Variants in EYA4 observed in about 807,000 individuals in gnomAD.
The protein encoded by EYA4 is EYA transcriptional coactivator and phosphatase 4.
EYA4 carries 31 observed loss-of-function variants against 87.9 expected under a neutral mutation model. That is an observed-to-expected ratio of 0.35 (90% CI 0.27 to 0.48). The LOEUF is 0.48. EYA4 is among the 20% of genes least tolerant of loss of function. EYA4 has a pLI of 0.99. For missense variants in EYA4, 678 were observed against 761.4 expected, an observed-to-expected ratio of 0.89 and a Z score of 1.29; for synonymous variants, 263 against 270.6, an observed-to-expected ratio of 0.97 and a Z score of 0.28.
At chr6:133,393,013 C>A (rs1186836583) in intron 3 of EYA4, among the ~76,000 whole-genome samples, 1 of 152,182 alleles carries the variant, frequency 6.6e-6, no homozygotes, top group Non-Finnish European at 1.5e-5. Context: ...GGAGCTAGGA[C>A]AAGACTCTGC....
In EYA4 at chr6:133,458,467, C is replaced by T. The variant is rs538090269; in HGVS notation, c.370+1819C>T. 5.9e-5 allele frequency among the ~76,000 whole-genome samples: 9 copies of T among 152,158 alleles called. No homozygotes were observed. The South Asian group carries it at 1.9e-3, about 32-fold the overall frequency. On this transcript the variant is annotated intron_variant, in intron 6 of 19. Coordinates refer to ENST00000355286, the MANE Select transcript of EYA4 (RefSeq NM_004100.5). ...TGGACAGCTCAGATACAGAACATTT[C>T]CAACACTGTGGAAAGTTTTATTCCA...
At chr6:133,357,688 T>G (rs1784171729) in intron 2 of EYA4, among the ~76,000 whole-genome samples, 1 of 152,116 alleles carries the variant, frequency 6.6e-6, no homozygotes, top group South Asian at 2.1e-4. Context: ...ACAGCTGTCT[T>G]ACTAATACTT....
chr6:133,428,243 T>C (rs1790849708), intron 3 of EYA4, among the ~76,000 whole-genome samples: 1 of 152,176 alleles, frequency 6.6e-6, no homozygotes, highest in African/African-American at 2.4e-5. Flanking sequence ...GGGATGAATT[T>C]GGAATTAATC....
chr6:133,528,649 ACAATGGTT>A, intron 19 of EYA4, 68 bp from the exon 20 acceptor site: 1 of 1,041,564 alleles, frequency 9.6e-7, no homozygotes, highest in Non-Finnish European at 1.5e-6. Flanking sequence ...CTTCATTGAG[ACAATGGTT>A]GTGATCTCTC....
At chr6:133,284,520 T>G (rs1413000675) in intron 2 of EYA4, among the ~76,000 whole-genome samples, 1 of 152,214 alleles carries the variant, frequency 6.6e-6, no homozygotes, top group Non-Finnish European at 1.5e-5. Context: ...GCAGAATGTA[T>G]GGAAATTAAA....
chr6:133,461,090 C>T, intron 6 of EYA4, 24 bp from the exon 7 acceptor site: 1 of 1,548,196 alleles, frequency 6.5e-7, no homozygotes, highest in Non-Finnish European at 8.9e-7. Flanking sequence ...ACCTTTGGTG[C>T]ACTGGTATTT....
chr6:133,530,212 G>A lies in EYA4; in HGVS notation c.*1407G>A. On this transcript the variant is annotated 3_prime_UTR_variant, in exon 20 of 20. Coordinates refer to ENST00000355286, the MANE Select transcript of EYA4 (RefSeq NM_004100.5). ...TAAAATAATACCTGGTTCTCCATCT[G>A]AATACATCAATGCAGGTTCTCCTCG... 1.0e-6 allele frequency: 1 copy of A among 985,412 alleles called. No individual in the cohort carries two copies. Among genetic ancestry groups the A allele is most frequent in the Non-Finnish European group, 1.2e-6 (1 of 829,918 alleles). The allele number at this position is 985,412 out of a possible 1,614,324, so 61.0% of individuals were successfully genotyped here. A position where few individuals can be genotyped will look rare whatever the true frequency, so the allele number is the denominator to read the frequency against.
chr6:133,445,979 C>T (rs1792793095), intron 3 of EYA4, among the ~76,000 whole-genome samples: 1 of 152,194 alleles, frequency 6.6e-6, no homozygotes, highest in African/African-American at 2.4e-5. Context: ...AGTCAAAGTC[C>T]TATTCCTGAA....
At chr6:133,359,416 T>C (rs1224209743) in intron 2 of EYA4, among the ~76,000 whole-genome samples, 1 of 152,248 alleles carries the variant, frequency 6.6e-6, no homozygotes, top group African/African-American at 2.4e-5. Flanking sequence ...GAAAGGCCCA[T>C]TGCCCTGTAA....
chr6:133,263,654 T>C (rs1460988815), intron 1 of EYA4, among the ~76,000 whole-genome samples: 2 of 152,212 alleles, frequency 1.3e-5, no homozygotes, highest in Non-Finnish European at 2.9e-5. Flanking sequence ...ATATGTTTTG[T>C]GGGTATAATA....
intron 2 of EYA4, among the ~76,000 whole-genome samples, chr6:133,336,328 C>A (rs2128396324): frequency 6.6e-6 from 1 of 152,256 alleles, no homozygotes; most frequent in African/African-American, 2.4e-5. Context: ...TTTAACTTCA[C>A]AATTAGTGGT....
rs142420302 is a variant in EYA4 at position 133,366,347 on chromosome 6, G to A, written c.34-16045G>A. Reference sequence around the variant, plus strand: ...TGGCTGTGAGATTATTTATGTAGAGGTATAAGTTAGGCAGGAGAGTGAGAG... The same window carrying A: ...TGGCTGTGAGATTATTTATGTAGAGATATAAGTTAGGCAGGAGAGTGAGAG... On this transcript the variant is annotated intron_variant, in intron 2 of 19. Transcript: ENST00000355286. Among the ~76,000 whole-genome samples, 706 of 152,302 alleles carry A rather than the reference G, an allele frequency of 4.6e-3. 2 individuals carry two copies. The highest frequency in any genetic ancestry group is 0.016 in the African/African-American group (681 of 41,582).
At position 133,336,690 on chromosome 6, in the gene EYA4, A is replaced by G. The variant is rs76267107; in HGVS notation, c.34-45702A>G. ...GGTATTGTTAATTTTTATAGGTTTG[A>G]TAGGAGATCATGTATGTTTACTGGT... On this transcript the variant is annotated intron_variant, in intron 2 of 19. Transcript: ENST00000355286. Among the ~76,000 whole-genome samples, 1,377 of 152,290 alleles carry G rather than the reference A, an allele frequency of 9.0e-3. 16 individuals are homozygous for G. The highest frequency in any genetic ancestry group is 0.03 in the African/African-American group (1,242 of 41,562).
chr6:133,515,974 CTT>C (rs1464436971), intron 17 of EYA4, among the ~76,000 whole-genome samples: 11 of 152,142 alleles, frequency 7.2e-5, no homozygotes, highest in East Asian at 1.9e-4. Context: ...GAAATTCTGA[CTT>C]GTGTCAGTAT....
intron 2 of EYA4, among the ~76,000 whole-genome samples, chr6:133,333,121 C>T (rs1782108022): frequency 6.6e-6 from 1 of 152,138 alleles, no homozygotes; most frequent in Non-Finnish European, 1.5e-5. Flanking sequence ...TATAACTTAT[C>T]AAAATATATA....
intron 2 of EYA4, among the ~76,000 whole-genome samples, chr6:133,377,904 C>T (rs372671390): frequency 5.3e-5 from 8 of 151,864 alleles, no homozygotes; most frequent in African/African-American, 1.9e-4. Flanking sequence ...AGAACAGTGC[C>T]TATAGCAACA....
chr6:133,416,509 C>T (rs1032918323), intron 3 of EYA4, among the ~76,000 whole-genome samples: 20 of 151,960 alleles, frequency 1.3e-4, no homozygotes, highest in African/African-American at 3.9e-4. Context: ...GTCCCATTTT[C>T]CATGAGGAGG....
At chr6:133,332,976 A>G (rs943961222) in intron 2 of EYA4, among the ~76,000 whole-genome samples, 6 of 152,100 alleles carry the variant, frequency 3.9e-5, no homozygotes, top group African/African-American at 1.4e-4. Flanking sequence ...TGTCACTTCC[A>G]CTGAGAAGCC....
At chr6:133,493,630 G>A (rs541705689) in intron 13 of EYA4, among the ~76,000 whole-genome samples, 253 of 152,218 alleles carry the variant, frequency 1.7e-3, no homozygotes, top group African/African-American at 5.8e-3. Flanking sequence ...GCACAGCAAA[G>A]AACACAGTCA....
Sources: gnomAD v4.1 joint callset for allele counts (sites outside exome capture counted in the v4.1 genomes callset) on GRCh38, gnomAD v4.1.1 for gene constraint, MANE v1.5 for transcripts, NCBI Gene and HGNC (gene_info 2026-07-23, HGNC 2026-07-21) for gene names.